The following SMC1A variants were observed in gnomAD, a reference collection of about 807,000 sequenced individuals.
SMC1A encodes the protein structural maintenance of chromosomes protein 1A.
In SMC1A, 4 loss-of-function variants were observed where a neutral mutation model predicts 94.5. The ratio of observed to expected loss-of-function variants is 0.04; its 90% confidence interval spans 0.02 to 0.10. The LOEUF is 0.10. Among genes scored for constraint, SMC1A ranks in the 10% least tolerant of loss-of-function variants. SMC1A has a pLI of 1.00. For synonymous variants in SMC1A, 345 were observed against 347.7 expected (o/e 0.99, Z 0.09); for missense variants, 304 against 989.0 (o/e 0.31, Z 9.29).
intron 1 of SMC1A, among the ~76,000 whole-genome samples, chrX:53,420,954 G>A (rs1556891958): frequency 8.9e-6 from 1 of 111,891 alleles, no homozygotes; most frequent in African/African-American, 3.3e-5. Flanking sequence ...GTATGCCACA[G>A]AGGAAGACTC....
intron 19 of SMC1A, among the ~76,000 whole-genome samples, chrX:53,387,124 T>C (rs1278541255): frequency 9.0e-6 from 1 of 111,360 alleles, no homozygotes; most frequent in Non-Finnish European, 1.9e-5. Flanking sequence ...GCCTCCCGAG[T>C]AGCTAGGACT....
At chrX:53,417,551 C>CAAAAA (rs1318273895) in intron 1 of SMC1A, among the ~76,000 whole-genome samples, 1 of 24,389 alleles carries the variant, frequency 4.1e-5, no homozygotes, top group Non-Finnish European at 7.8e-5. Context: ...AACTCCATCT[C>CAAAAA]AAAAAAAAAA....
At chrX:53,397,251 A>G (rs1876392744) in intron 16 of SMC1A, among the ~76,000 whole-genome samples, 1 of 111,907 alleles carries the variant, frequency 8.9e-6, no homozygotes, top group African/African-American at 3.2e-5. Context: ...TCTGATTTTT[A>G]CAAAGGAAAA....
At chrX:53,384,677 G>T (rs947026807) in intron 19 of SMC1A, among the ~76,000 whole-genome samples, 6 of 111,600 alleles carry the variant, frequency 5.4e-5, no homozygotes, top group Non-Finnish European at 9.4e-5. Flanking sequence ...GCCAGGAATG[G>T]TGGCTCATGC....
chrX:53,406,942 C>A (rs1409191536), intron 9 of SMC1A, among the ~76,000 whole-genome samples: 5 of 112,108 alleles, frequency 4.5e-5, no homozygotes, highest in African/African-American at 1.6e-4. Flanking sequence ...CGATGATCTG[C>A]CCGCCTCGGC....
At chrX:53,402,553 TAA>T (rs370079547) in intron 15 of SMC1A, among the ~76,000 whole-genome samples, 7 of 92,456 alleles carry the variant, frequency 7.6e-5, no homozygotes, top group South Asian at 5.1e-4. Context: ...TTAAAAAGGT[TAA>T]AAAAAAAAAA....
chrX:53,386,195 TA>T (rs1202799557), intron 19 of SMC1A, among the ~76,000 whole-genome samples: 40 of 106,002 alleles, frequency 3.8e-4, no homozygotes, highest in Non-Finnish European at 5.5e-4. Flanking sequence ...AATAATATTG[TA>T]AAAAAAAAAG....
chrX:53,388,577 T>G (rs2075614213), intron 19 of SMC1A, among the ~76,000 whole-genome samples: 1 of 108,981 alleles, frequency 9.2e-6, no homozygotes, highest in African/African-American at 3.3e-5. Flanking sequence ...TCATCAAATA[T>G]CTCATCAATA....
chrX:53,422,465 G>C (rs782384477), intron 1 of SMC1A, 27 bp downstream of exon 1: 1 of 1,013,783 alleles, frequency 9.9e-7, no homozygotes, highest in South Asian at 1.9e-5. Context: ...CGGGACGTGC[G>C]CAGGGCCGCG....
chrX:53,382,134 C>G, intron 22 of SMC1A, 98 bp downstream of exon 22: 4 of 1,001,312 alleles, frequency 4.0e-6, no homozygotes, highest in Non-Finnish European at 5.6e-6. Flanking sequence ...TTCCACCAAA[C>G]CATCACCTTC....
At chrX:53,387,157 G>A (rs1409019697) in intron 19 of SMC1A, among the ~76,000 whole-genome samples, 2 of 111,109 alleles carry the variant, frequency 1.8e-5, no homozygotes, top group South Asian at 3.8e-4. Context: ...CACCACGCCC[G>A]GCTAATTTTT....
intron 16 of SMC1A, among the ~76,000 whole-genome samples, chrX:53,397,062 TTG>T (rs1569355227): frequency 2.6e-4 from 26 of 99,296 alleles, no homozygotes; most frequent in Admixed American, 3.1e-4. Context: ...TTTGTTGTTG[TTG>T]TTTTTTTTTT....
chrX:53,394,731 T>TTCCCC, intron 19 of SMC1A, 47 bp downstream of exon 19: 45 of 416,174 alleles, frequency 1.1e-4, no homozygotes, highest in East Asian at 3.2e-4. Context: ...ATAGTCCCAC[T>TTCCCC]CCCACCCAAC....
chrX:53,382,140 C>T, intron 22 of SMC1A, 92 bp downstream of exon 22: 1 of 1,029,699 alleles, frequency 9.7e-7, no homozygotes. Context: ...CAAACCATCA[C>T]CTTCGCAGAT....
intron 16 of SMC1A, among the ~76,000 whole-genome samples, chrX:53,398,839 C>T (rs2075661006): frequency 9.0e-6 from 1 of 111,604 alleles, no homozygotes; most frequent in African/African-American, 3.3e-5. Context: ...AAAGTGTTTG[C>T]ATAAAGCTTT....
intron 9 of SMC1A, among the ~76,000 whole-genome samples, chrX:53,407,580 A>G (rs1379102622): frequency 3.6e-5 from 4 of 112,249 alleles, no homozygotes; most frequent in African/African-American, 1.3e-4. Flanking sequence ...ACTGTAATTT[A>G]TAGCAGGTCA....
At chrX:53,415,864 A>T (rs1556891217) in intron 1 of SMC1A, among the ~76,000 whole-genome samples, 3 of 109,405 alleles carry the variant, frequency 2.7e-5, no homozygotes, top group Non-Finnish European at 5.7e-5. Context: ...AAAAAGAGGA[A>T]AGAATAGTTT....
At chrX:53,381,153 AGCCCCAGGGCCC>A in intron 22 of SMC1A, 66 bp from the exon 23 acceptor site, 2 of 631,434 alleles carry the variant, frequency 3.2e-6, no homozygotes, top group South Asian at 2.3e-5. Flanking sequence ...GGGGTGGGAC[AGCCCCAGGGCCC>A]ATCAAACAGG....
At chrX:53,419,969 C>G (rs1236757785) in intron 1 of SMC1A, among the ~76,000 whole-genome samples, 2 of 110,966 alleles carry the variant, frequency 1.8e-5, no homozygotes, top group Non-Finnish European at 3.8e-5. Flanking sequence ...GGGCTTAGAA[C>G]CAACAGACCA....
Sources: gnomAD v4.1 joint callset for allele counts (sites outside exome capture counted in the v4.1 genomes callset) on GRCh38, gnomAD v4.1.1 for gene constraint, MANE v1.5 for transcripts, NCBI Gene and HGNC (gene_info 2026-07-23, HGNC 2026-07-21) for gene names.